NCK2: variants seen among roughly 807,000 people sequenced by gnomAD.
NCK2 encodes cytoplasmic protein NCK2.
NCK2 carries 16 observed loss-of-function variants against 33.9 expected under a neutral mutation model. The ratio of observed to expected loss-of-function variants is 0.47; its 90% CI spans 0.32 to 0.72. The LOEUF (loss-of-function observed/expected upper bound fraction) is 0.72, where lower values mean the gene tolerates loss of function less well. NCK2 is among the 30% of genes least tolerant of loss of function. NCK2 has a pLI of 0.03. For missense variants in NCK2, 418 were observed against 537.3 expected, an observed-to-expected ratio of 0.78 and a Z score of 2.19; for synonymous variants, 273 against 239.9, an observed-to-expected ratio of 1.14 and a Z score of -1.27.
intron 2 of NCK2, among the ~76,000 whole-genome samples, chr2:105,834,606 G>C (rs534383880): frequency 6.6e-6 from 1 of 151,182 alleles, no homozygotes; most frequent in Non-Finnish European, 1.5e-5. Context: ...CATCTGTCCA[G>C]TCTATATCTT....
chr2:105,893,241 C>A lies in NCK2; in HGVS notation c.*65C>A. On this transcript the variant is annotated 3_prime_UTR_variant, in exon 5 of 5. Coordinates refer to ENST00000233154, the MANE Select transcript of NCK2 (RefSeq NM_003581.5). ...TGGAGCTGCCCGCCCGGCCTTGTGG[C>A]AGAGGCTCCTCCCGCGGGGACGGCC... 1 of 1,459,198 alleles carries A rather than the reference C, an allele frequency of 6.9e-7. No homozygotes were observed. Among genetic ancestry groups the A allele is most frequent in the Non-Finnish European group, 9.2e-7 (1 of 1,085,944 alleles). 90.4% of individuals were successfully genotyped at this position (1,459,198 alleles called of 1,614,324 possible). A position where few individuals can be genotyped will look rare whatever the true frequency, so the allele number is the denominator to read the frequency against.
At chr2:105,876,653 C>G (rs1678245173) in intron 3 of NCK2, among the ~76,000 whole-genome samples, 1 of 152,188 alleles carries the variant, frequency 6.6e-6, no homozygotes, top group African/African-American at 2.4e-5. Context: ...TGTTAAAATT[C>G]TATGAGAAAA....
At chr2:105,843,085 G>C (rs1453654732) in intron 2 of NCK2, among the ~76,000 whole-genome samples, 1 of 152,198 alleles carries the variant, frequency 6.6e-6, no homozygotes, top group Non-Finnish European at 1.5e-5. Context: ...CTTGGGATCA[G>C]AGTGTTAGGG....
At chr2:105,878,438 C>A (rs1421158332) in intron 3 of NCK2, among the ~76,000 whole-genome samples, 3 of 152,120 alleles carry the variant, frequency 2.0e-5, no homozygotes, top group Admixed American at 1.3e-4. Flanking sequence ...GAGATTGGAA[C>A]ACAAAGAAAA....
At chr2:105,773,972 G>A (rs11895542) in intron 1 of NCK2, among the ~76,000 whole-genome samples, 70,623 of 151,290 alleles carry the variant, frequency 0.47, 17,713 homozygotes, top group African/African-American at 0.64. Context: ...GTGTGCATCT[G>A]GAAGTCCTCA....
intron 2 of NCK2, among the ~76,000 whole-genome samples, chr2:105,835,153 C>T (rs776268891): frequency 2.6e-5 from 4 of 151,332 alleles, no homozygotes; most frequent in South Asian, 2.1e-4. Flanking sequence ...TTTATGTTTT[C>T]GCACTACCAG....
At chr2:105,828,342 T>TTTG (rs1339272582) in intron 2 of NCK2, among the ~76,000 whole-genome samples, 1 of 152,148 alleles carries the variant, frequency 6.6e-6, no homozygotes, top group African/African-American at 2.4e-5. Context: ...TAACCATATT[T>TTTG]TTGTTGTTGT....
chr2:105,770,124 T>TAAAAAA (rs76726445), intron 1 of NCK2, among the ~76,000 whole-genome samples: 19 of 126,650 alleles, frequency 1.5e-4, no homozygotes, highest in East Asian at 2.2e-4. Flanking sequence ...CACTAATAAG[T>TAAAAAA]AAAAAAAAAA....
intron 1 of NCK2, among the ~76,000 whole-genome samples, chr2:105,763,030 A>G (rs946951586): frequency 3.3e-5 from 5 of 152,174 alleles, no homozygotes; most frequent in African/African-American, 1.2e-4. Flanking sequence ...CCCCGTCTCT[A>G]CTAAAGAATA....
At chr2:105,887,213 C>A (rs1315890694) in intron 4 of NCK2, among the ~76,000 whole-genome samples, 1 of 152,156 alleles carries the variant, frequency 6.6e-6, no homozygotes, top group Non-Finnish European at 1.5e-5. Context: ...GAGATAAAAA[C>A]AGAGAAACTA....
At chr2:105,816,177 A>G (rs557358785) in intron 1 of NCK2, among the ~76,000 whole-genome samples, 1 of 152,308 alleles carries the variant, frequency 6.6e-6, no homozygotes, top group Admixed American at 6.5e-5. Context: ...GGGTGGTGGC[A>G]TGCCTGTGGT....
intron 1 of NCK2, among the ~76,000 whole-genome samples, chr2:105,785,287 A>G (rs900289541): frequency 4.6e-5 from 7 of 152,162 alleles, no homozygotes; most frequent in African/African-American, 1.7e-4. Flanking sequence ...TTACGGTGTC[A>G]CTGGGAGCCG....
At chr2:105,767,167 A>G (rs991647718) in intron 1 of NCK2, among the ~76,000 whole-genome samples, 5 of 152,212 alleles carry the variant, frequency 3.3e-5, no homozygotes, top group African/African-American at 1.2e-4. Context: ...TGTTTATCTC[A>G]TAGATACCAT....
rs1020882343 is a variant in NCK2 at position 105,817,648 on chromosome 2, C to T, written c.-17+1035C>T. The stretch of plus-strand genomic sequence containing the variant: ...TGAACAGACACTGCTCAAAAGAAGA[C>T]ATTTATGCAGCCAAAAGGCACATGA... On this transcript the variant is annotated intron_variant, in intron 2 of 4. Transcript: ENST00000233154. 2.6e-5 allele frequency among the ~76,000 whole-genome samples: 4 copies of T among 152,326 alleles called. No homozygotes were observed. The East Asian group carries it at 5.8e-4, about 22-fold the overall frequency.
chr2:105,795,182 G>C (rs1019958614), intron 1 of NCK2, among the ~76,000 whole-genome samples: 2 of 152,008 alleles, frequency 1.3e-5, no homozygotes, highest in African/African-American at 4.8e-5. Flanking sequence ...CAAAGTCCAG[G>C]GTTTATATTT....
At chr2:105,798,430 T>G (rs1031300850) in intron 1 of NCK2, among the ~76,000 whole-genome samples, 1 of 152,218 alleles carries the variant, frequency 6.6e-6, no homozygotes, top group African/African-American at 2.4e-5. Flanking sequence ...TGTCCACAAG[T>G]CTAGCTTTTA....
intron 1 of NCK2, among the ~76,000 whole-genome samples, chr2:105,759,065 TTGAA>T (rs1689680058): frequency 6.6e-6 from 1 of 152,216 alleles, no homozygotes; most frequent in African/African-American, 2.4e-5. Context: ...GCTTAGTGTT[TTGAA>T]TGAACTTAAT....
intron 2 of NCK2, among the ~76,000 whole-genome samples, chr2:105,835,389 A>ATATATATATACATATATATATGTATGTG (rs1676361844): frequency 1.3e-4 from 2 of 15,186 alleles, no homozygotes; most frequent in East Asian, 5.1e-3. Context: ...ATATATACAC[A>ATATATATATACATATATATATGTATGTG]TATATATATA....
rs142428463 is a variant in NCK2, at chr2:105,811,534, G to A, written c.-200-4896G>A. Reference sequence around the variant, plus strand: ...CAGCTAGGGAATCCAGAAGTTGCCAGCCTGGAGATTCAGTCCTTGTCTTTA... The same window carrying A: ...CAGCTAGGGAATCCAGAAGTTGCCAACCTGGAGATTCAGTCCTTGTCTTTA... On this transcript the variant is annotated intron_variant, in intron 1 of 4. Transcript: ENST00000233154. Among the ~76,000 whole-genome samples the A allele has an allele frequency of 2.0e-5, 3 of 152,348 alleles. No homozygotes were observed. The East Asian group carries it at 5.8e-4, about 29-fold the overall frequency.
Sources: allele counts gnomAD v4.1 joint callset (sites outside exome capture counted in the v4.1 genomes callset), GRCh38; gene constraint gnomAD v4.1.1; transcripts MANE v1.5; gene names NCBI Gene and HGNC (gene_info 2026-07-23, HGNC 2026-07-21).